The following LRRTM3 variants were observed in gnomAD, a reference collection of about 807,000 sequenced individuals.
LRRTM3 encodes the protein leucine-rich repeat transmembrane neuronal protein 3.
LRRTM3 carries 24 observed loss-of-function variants against 44.7 expected under a neutral mutation model. That is an observed-to-expected ratio of 0.54 (90% CI 0.39 to 0.76). The LOEUF is 0.76. LRRTM3 is among the 30% of genes least tolerant of loss of function. The pLI is 0.00. For synonymous variants in LRRTM3, 277 were observed against 278.7 expected (o/e 0.99, Z 0.06); for missense variants, 587 against 702.2 (o/e 0.84, Z 1.85).
At chr10:66,954,201 A>G (rs1388732809) in intron 2 of LRRTM3, among the ~76,000 whole-genome samples, 1 of 152,194 alleles carries the variant, frequency 6.6e-6, no homozygotes, top group East Asian at 1.9e-4. Context: ...GATTTTTCTT[A>G]ATACATTTCA....
chr10:66,980,909 T>C (rs1191230389), intron 2 of LRRTM3, among the ~76,000 whole-genome samples: 1 of 152,064 alleles, frequency 6.6e-6, no homozygotes, highest in Non-Finnish European at 1.5e-5. Flanking sequence ...CTTTCTTTTT[T>C]ATTTATTTAT....
chr10:66,963,992 A>T (rs1422171004), intron 2 of LRRTM3, among the ~76,000 whole-genome samples: 8 of 151,820 alleles, frequency 5.3e-5, no homozygotes, highest in African/African-American at 1.9e-4. Flanking sequence ...GTTTACAGGC[A>T]TGCACCACCA....
intron 2 of LRRTM3, among the ~76,000 whole-genome samples, chr10:67,068,687 G>A (rs187662626): frequency 6.6e-6 from 1 of 152,344 alleles, no homozygotes; most frequent in East Asian, 1.9e-4. Flanking sequence ...GTTATCAACA[G>A]CAAATGACCC....
chr10:67,048,244 C>T (rs543874664), intron 2 of LRRTM3, among the ~76,000 whole-genome samples: 14 of 152,030 alleles, frequency 9.2e-5, no homozygotes, highest in African/African-American at 2.2e-4. Flanking sequence ...TTTATATAAA[C>T]GAGGAAGAAA....
intron 2 of LRRTM3, among the ~76,000 whole-genome samples, chr10:67,096,648 A>C (rs1202044685): frequency 6.6e-6 from 1 of 151,850 alleles, no homozygotes; most frequent in Non-Finnish European, 1.5e-5. Flanking sequence ...AACTATCTCT[A>C]GACTTTGATA....
chr10:67,076,931 G>A (rs1298437398), intron 2 of LRRTM3, among the ~76,000 whole-genome samples: 1 of 152,172 alleles, frequency 6.6e-6, no homozygotes, highest in Non-Finnish European at 1.5e-5. Context: ...ATTGGACTAT[G>A]TCAAAATCTC....
Position 67,084,271 on chromosome 10 carries a change from G to T in LRRTM3, c.1537-13316G>T, listed in dbSNP as rs149453180. 2.3e-3 allele frequency among the ~76,000 whole-genome samples: 347 copies of T among 152,134 alleles called. 2 individuals carry two copies. Among genetic ancestry groups the T allele is most frequent in the African/African-American group, 7.6e-3 (316 of 41,548 alleles). On this transcript the variant is annotated intron_variant, in intron 2 of 2. Transcript: ENST00000361320. ...GTTGGCAAAAATCTACACCTGGAGT[G>T]AGAATTCCACAAATACTTACAGAGA...
At chr10:67,078,266 T>C (rs1856837899) in intron 2 of LRRTM3, among the ~76,000 whole-genome samples, 1 of 152,210 alleles carries the variant, frequency 6.6e-6, no homozygotes, top group Non-Finnish European at 1.5e-5. Flanking sequence ...AAAGACTTAA[T>C]GTGTACTTCC....
Position 67,094,979 on chromosome 10 carries a change from T to C in LRRTM3, c.1537-2608T>C, listed in dbSNP as rs544688917. Among the ~76,000 whole-genome samples the C allele has an allele frequency of 2.6e-5, 4 of 151,602 alleles. No homozygotes were observed. The South Asian group carries it at 8.3e-4, about 31-fold the overall frequency. ...CATTTTCCATACCTGATTTAAATGA[T>C]TTTGAAACTATAAGTAATTGGCTTT... On this transcript the variant is annotated intron_variant, in intron 2 of 2. Transcript: ENST00000361320.
intron 2 of LRRTM3, among the ~76,000 whole-genome samples, chr10:67,040,549 C>A (rs900639944): frequency 6.6e-6 from 1 of 151,980 alleles, no homozygotes; most frequent in African/African-American, 2.4e-5. Context: ...TCCCTTAGTT[C>A]TTATGGATTC....
intron 2 of LRRTM3, among the ~76,000 whole-genome samples, chr10:67,075,170 GCA>G (rs57260841): frequency 6.7e-6 from 1 of 149,724 alleles, no homozygotes; most frequent in Non-Finnish European, 1.5e-5. Context: ...AAGGATTTCT[GCA>G]CACACACACA....
At chr10:66,946,642 G>C (rs909830379) in intron 2 of LRRTM3, among the ~76,000 whole-genome samples, 1 of 152,066 alleles carries the variant, frequency 6.6e-6, no homozygotes, top group Admixed American at 6.6e-5. Context: ...CATAAAGCAT[G>C]TACTTTTGAG....
chr10:66,995,315 T>C (rs1851269011), intron 2 of LRRTM3, among the ~76,000 whole-genome samples: 1 of 152,134 alleles, frequency 6.6e-6, no homozygotes, highest in Non-Finnish European at 1.5e-5. Context: ...GGTTACCAAG[T>C]CCTGGGAATT....
intron 2 of LRRTM3, among the ~76,000 whole-genome samples, chr10:66,990,804 T>C (rs1850998784): frequency 6.6e-6 from 1 of 152,190 alleles, no homozygotes; most frequent in East Asian, 1.9e-4. Flanking sequence ...AATCTGTCCT[T>C]TACCAATACA....
At chr10:66,938,682 A>T (rs1324361456) in intron 2 of LRRTM3, among the ~76,000 whole-genome samples, 3 of 152,132 alleles carry the variant, frequency 2.0e-5, no homozygotes, top group Admixed American at 2.0e-4. Flanking sequence ...TTCTTAGGAA[A>T]ATACAGTTTT....
At chr10:67,029,848 A>G (rs1853613402) in intron 2 of LRRTM3, among the ~76,000 whole-genome samples, 1 of 152,190 alleles carries the variant, frequency 6.6e-6, no homozygotes, top group African/African-American at 2.4e-5. Flanking sequence ...CCTCAATGAC[A>G]CTAAAAACCA....
rs372940248 is a variant in LRRTM3, at chr10:67,097,619, G to A, written c.1569G>A (p.Leu523=). 202 of 1,612,266 alleles carry A rather than the reference G, an allele frequency of 1.3e-4. No homozygotes were observed. The highest frequency in any genetic ancestry group is 1.4e-4 in the Non-Finnish European group (167 of 1,178,870). ...IPLSMNVSTF[L]AYDQPTISYC... is the part of the protein sequence containing the mutation. ...TATCAATGAATGTGTCAACCTTTCT[G>A]GCATACGACCAGCCCACAATAAGTT... is the stretch of plus-strand genomic sequence containing the variant. The change falls in exon 3 of 3, where the codon CTG becomes CTA. Residue 523 remains leucine, a synonymous_variant. Coordinates refer to ENST00000361320, the MANE Select transcript of LRRTM3 (RefSeq NM_178011.5).
intron 2 of LRRTM3, among the ~76,000 whole-genome samples, chr10:67,080,478 C>T (rs1218417891): frequency 1.3e-5 from 2 of 152,180 alleles, no homozygotes; most frequent in African/African-American, 2.4e-5. Context: ...CATCGCAATA[C>T]ATCTACTGAC....
chr10:66,966,898 G>A (rs1414491201), intron 2 of LRRTM3, among the ~76,000 whole-genome samples: 2 of 152,020 alleles, frequency 1.3e-5, no homozygotes, highest in Admixed American at 1.3e-4. Flanking sequence ...ATACTTTCCT[G>A]AATTCATTCC....
Sources: allele counts gnomAD v4.1 joint callset (sites outside exome capture counted in the v4.1 genomes callset), GRCh38; gene constraint gnomAD v4.1.1; transcripts MANE v1.5; gene names NCBI Gene and HGNC (gene_info 2026-07-23, HGNC 2026-07-21).